Variants in EXOC4 observed in about 807,000 individuals in gnomAD.
EXOC4 encodes the protein exocyst complex component 4, also known as SEC8-like 1.
In EXOC4, 71 loss-of-function variants were observed where a neutral mutation model predicts 107.2. The observed-to-expected ratio is 0.66, with a 90% CI of 0.55 to 0.81. The LOEUF (loss-of-function observed/expected upper bound fraction) is 0.81. Among genes scored for constraint, EXOC4 ranks in the 30% least tolerant of loss-of-function variants. The pLI is 0.00. For missense variants in EXOC4, 1,108 were observed against 1,189.6 expected, an observed-to-expected ratio of 0.93 and a Z score of 1.01; for synonymous variants, 456 against 441.2, an observed-to-expected ratio of 1.03 and a Z score of -0.42.
At chr7:133,451,947 AT>A (rs751184599) in intron 7 of EXOC4, among the ~76,000 whole-genome samples, 49 of 152,350 alleles carry the variant, frequency 3.2e-4, no homozygotes, top group East Asian at 5.8e-4. Flanking sequence ...TTTAAAAAAA[AT>A]ATTTTAATTG....
intron 17 of EXOC4, among the ~76,000 whole-genome samples, chr7:134,061,668 T>C (rs1323481850): frequency 6.6e-6 from 1 of 152,188 alleles, no homozygotes; most frequent in East Asian, 1.9e-4. Context: ...TGGGCAATTT[T>C]AAAAATGTAT....
chr7:134,098,445 G>C, the EXOC4 span, among the ~76,000 whole-genome samples: 2 of 152,132 alleles, frequency 1.3e-5, no homozygotes, highest in Non-Finnish European at 2.9e-5. Flanking sequence ...TGCACACACA[G>C]TGCTATTTCC....
chr7:133,573,216 A>C (rs1192872309), intron 9 of EXOC4, among the ~76,000 whole-genome samples: 1 of 152,198 alleles, frequency 6.6e-6, no homozygotes, highest in Non-Finnish European at 1.5e-5. Context: ...TAGGATACTT[A>C]CCACTTTATG....
chr7:134,071,764 G>T, the EXOC4 span, among the ~76,000 whole-genome samples: 1 of 152,108 alleles, frequency 6.6e-6, no homozygotes, highest in Non-Finnish European at 1.5e-5. Context: ...GTTTGCTTGG[G>T]GGTTAGAAGC....
At chr7:133,987,061 C>T (rs1425257399) in intron 14 of EXOC4, among the ~76,000 whole-genome samples, 1 of 152,030 alleles carries the variant, frequency 6.6e-6, no homozygotes, top group Non-Finnish European at 1.5e-5. Flanking sequence ...CAGGCAACAA[C>T]ATCAAAGGAT....
intron 10 of EXOC4, among the ~76,000 whole-genome samples, chr7:133,690,616 A>T (rs1360491034): frequency 6.6e-6 from 1 of 152,212 alleles, no homozygotes; most frequent in Non-Finnish European, 1.5e-5. Flanking sequence ...GGTGGGAGGA[A>T]AAACTTTTTC....
At chr7:133,769,665 A>G (rs1396471558) in intron 10 of EXOC4, among the ~76,000 whole-genome samples, 1 of 151,892 alleles carries the variant, frequency 6.6e-6, no homozygotes, top group Non-Finnish European at 1.5e-5. Flanking sequence ...TTTTCTAGTG[A>G]GGGAAAAAAA....
At position 133,888,536 on chromosome 7, in the gene EXOC4, T is replaced by A. The variant is rs542255646; in HGVS notation, c.1735-7063T>A. ...AACTCAGTCTTTTCTTAATAAAAAATTTAGAATTTGTTGACTATGCGTCTT... is the reference window on the plus strand; with the variant it reads ...AACTCAGTCTTTTCTTAATAAAAAAATTAGAATTTGTTGACTATGCGTCTT... On this transcript the variant is annotated intron_variant, in intron 11 of 17. Coordinates refer to ENST00000253861, the MANE Select transcript of EXOC4 (RefSeq NM_021807.4). Among the ~76,000 whole-genome samples the A allele has an allele frequency of 3.9e-4, 60 of 152,334 alleles. No homozygotes were observed. The South Asian group carries it at 0.012, about 30-fold the overall frequency.
At chr7:133,325,467 T>G (rs184074591) in intron 5 of EXOC4, among the ~76,000 whole-genome samples, 14 of 152,336 alleles carry the variant, frequency 9.2e-5, no homozygotes, top group Admixed American at 8.5e-4. Flanking sequence ...CCTTCACTTT[T>G]GAAGCTTAGT....
At chr7:133,726,880 G>A (rs1186956082) in intron 10 of EXOC4, among the ~76,000 whole-genome samples, 2 of 152,178 alleles carry the variant, frequency 1.3e-5, no homozygotes, top group African/African-American at 4.8e-5. Context: ...GAATGATTGT[G>A]AACATGGAGA....
chr7:133,986,678 T>C (rs1035522163), intron 14 of EXOC4, among the ~76,000 whole-genome samples: 1 of 152,228 alleles, frequency 6.6e-6, no homozygotes, highest in Non-Finnish European at 1.5e-5. Flanking sequence ...TTCTTAAACA[T>C]GTATTTAGTG....
intron 10 of EXOC4, among the ~76,000 whole-genome samples, chr7:133,694,152 T>C (rs1327623585): frequency 1.3e-5 from 2 of 151,602 alleles, no homozygotes; most frequent in East Asian, 3.9e-4. Flanking sequence ...TCCCAGCTAC[T>C]TGGGAGGCTG....
rs1035868867 is a variant in EXOC4, at chr7:134,052,105, G to A, written c.2688-12186G>A. On this transcript the variant is annotated intron_variant, in intron 17 of 17. Transcript: ENST00000253861. ...GCGTGTCCATGAAGACGTCATTGACGACCCTTTTCATAGACACATTGGAGG... is the reference window on the plus strand; with the variant it reads ...GCGTGTCCATGAAGACGTCATTGACAACCCTTTTCATAGACACATTGGAGG... 1.1e-4 allele frequency among the ~76,000 whole-genome samples: 16 copies of A among 152,168 alleles called. 1 individual carries two copies. Among genetic ancestry groups the A allele is most frequent in the South Asian group, 1.0e-3 (5 of 4,834 alleles).
At chr7:133,473,027 G>A (rs1798921161) in intron 7 of EXOC4, among the ~76,000 whole-genome samples, 1 of 152,130 alleles carries the variant, frequency 6.6e-6, no homozygotes, top group African/African-American at 2.4e-5. Flanking sequence ...ACTCTGTCAT[G>A]TTGATGTTAA....
chr7:133,693,435 T>A (rs1794464138), intron 10 of EXOC4, among the ~76,000 whole-genome samples: 1 of 152,176 alleles, frequency 6.6e-6, no homozygotes, highest in Non-Finnish European at 1.5e-5. Context: ...AGGGTGGGTC[T>A]GCCTCTCCCA....
At chr7:133,754,752 TTAA>T (rs563649007) in intron 10 of EXOC4, among the ~76,000 whole-genome samples, 88 of 152,310 alleles carry the variant, frequency 5.8e-4, no homozygotes, top group Middle Eastern at 6.8e-3. Context: ...ACATATTTAG[TTAA>T]TAATAATTTT....
At chr7:133,294,511 GTC>G (rs1794475718) in intron 3 of EXOC4, among the ~76,000 whole-genome samples, 1 of 152,070 alleles carries the variant, frequency 6.6e-6, no homozygotes. Context: ...GATTTTGAAT[GTC>G]TCTTAATCAT....
At chr7:133,633,706 G>A (rs1040770898) in intron 10 of EXOC4, among the ~76,000 whole-genome samples, 1 of 151,750 alleles carries the variant, frequency 6.6e-6, no homozygotes, top group Non-Finnish European at 1.5e-5. Flanking sequence ...CAACAAGAGC[G>A]AAACTCCATC....
At chr7:133,594,493 C>CTT (rs532692119) in intron 9 of EXOC4, among the ~76,000 whole-genome samples, 14,517 of 89,542 alleles carry the variant, frequency 0.16, 2,847 homozygotes, top group Middle Eastern at 0.22. Flanking sequence ...AAGCTTGAGT[C>CTT]TTTTTTTTTT....
Sources: allele counts gnomAD v4.1 joint callset (sites outside exome capture counted in the v4.1 genomes callset), GRCh38; gene constraint gnomAD v4.1.1; transcripts MANE v1.5; gene names NCBI Gene and HGNC (gene_info 2026-07-23, HGNC 2026-07-21).